The following XRCC4 variants were observed in gnomAD, a reference collection of about 807,000 sequenced individuals.
XRCC4 encodes the protein X-ray repair cross complementing 4, also known as DNA repair protein XRCC4.
Under a neutral mutation model 39.1 loss-of-function variants are expected in XRCC4, and 28 were observed. The observed-to-expected ratio is 0.72, with a 90% CI of 0.53 to 0.98. The LOEUF is 0.98. XRCC4 is among the 50% of genes least tolerant of loss of function. The pLI, the probability that XRCC4 is intolerant of heterozygous loss-of-function variation, is 0.00. For missense variants in XRCC4, 350 were observed against 376.4 expected, an observed-to-expected ratio of 0.93 and a Z score of 0.58; for synonymous variants, 123 against 126.4, an observed-to-expected ratio of 0.97 and a Z score of 0.18.
At chr5:83,230,827 A>G (rs761295343) in intron 6 of XRCC4, among the ~76,000 whole-genome samples, 4 of 151,954 alleles carry the variant, frequency 2.6e-5, no homozygotes, top group Non-Finnish European at 5.9e-5. Context: ...AACTAAATCT[A>G]TGTTCTCTTG....
intron 6 of XRCC4, among the ~76,000 whole-genome samples, chr5:83,239,989 C>T (rs1171374436): frequency 5.9e-5 from 9 of 151,616 alleles, no homozygotes; most frequent in Non-Finnish European, 4.4e-5. Flanking sequence ...GAGACCCTGG[C>T]TCTACAGAGG....
intron 3 of XRCC4, among the ~76,000 whole-genome samples, chr5:83,123,788 T>C (rs750439540): frequency 3.9e-5 from 6 of 152,260 alleles, no homozygotes; most frequent in Non-Finnish European, 5.9e-5. Flanking sequence ...ACAGATATTA[T>C]GGCACCATAC....
chr5:83,331,228 G>T (rs1218833985), intron 7 of XRCC4, among the ~76,000 whole-genome samples: 1 of 152,040 alleles, frequency 6.6e-6, no homozygotes. Context: ...CTATTTATCA[G>T]ATGGTGCTCC....
intron 7 of XRCC4, among the ~76,000 whole-genome samples, chr5:83,300,784 A>G (rs1003363281): frequency 1.3e-5 from 2 of 150,552 alleles, no homozygotes; most frequent in Non-Finnish European, 3.0e-5. Flanking sequence ...CTTGTGCCAT[A>G]TGTTCTCATT....
At chr5:83,144,267 C>CTGTGTGTGTGTG (rs56769195) in intron 3 of XRCC4, among the ~76,000 whole-genome samples, 5,258 of 140,034 alleles carry the variant, frequency 0.038, 163 homozygotes, top group Non-Finnish European at 0.052. Context: ...TAATATTCCT[C>CTGTGTGTGTGTG]TGTGTGTGTG....
intron 6 of XRCC4, among the ~76,000 whole-genome samples, chr5:83,231,860 TG>T (rs1752507786): frequency 6.6e-6 from 1 of 152,110 alleles, no homozygotes; most frequent in Non-Finnish European, 1.5e-5. Flanking sequence ...TCATTGACTG[TG>T]GTTGATTATA....
At chr5:83,270,302 GGGACCACT>G (rs1282611509) in intron 7 of XRCC4, among the ~76,000 whole-genome samples, 1 of 152,104 alleles carries the variant, frequency 6.6e-6, no homozygotes, top group Non-Finnish European at 1.5e-5. Context: ...CCAGAGGTTG[GGGACCACT>G]GGTCTATACA....
intron 1 of XRCC4, among the ~76,000 whole-genome samples, chr5:83,089,493 G>T (rs1036738560): frequency 6.6e-6 from 1 of 152,122 alleles, no homozygotes; most frequent in Non-Finnish European, 1.5e-5. Flanking sequence ...CACCAAGTGG[G>T]TATTCAACAA....
At chr5:83,301,440 A>G (rs1328758130) in intron 7 of XRCC4, among the ~76,000 whole-genome samples, 2 of 151,910 alleles carry the variant, frequency 1.3e-5, no homozygotes, top group African/African-American at 4.8e-5. Context: ...TTTCTTGTTA[A>G]TTTGTTTGAG....
chr5:83,339,495 G>A (rs1183121683), intron 7 of XRCC4, among the ~76,000 whole-genome samples: 2 of 151,322 alleles, frequency 1.3e-5, no homozygotes, highest in Non-Finnish European at 2.9e-5. Context: ...TGGGGTGGGG[G>A]AGGGATAGCA....
intron 6 of XRCC4, among the ~76,000 whole-genome samples, chr5:83,251,012 TA>T (rs1266653689): frequency 6.6e-6 from 1 of 152,186 alleles, no homozygotes; most frequent in Non-Finnish European, 1.5e-5. Context: ...CTGTCCTACT[TA>T]ATTATAAACT....
chr5:83,327,149 C>G (rs1756289157), intron 7 of XRCC4, among the ~76,000 whole-genome samples: 1 of 152,022 alleles, frequency 6.6e-6, no homozygotes, highest in South Asian at 2.1e-4. Flanking sequence ...TATAGTCAGG[C>G]TGGGAACATT....
At position 83,089,522 on chromosome 5, in the gene XRCC4, C is replaced by T. The variant is rs1208774813; in HGVS notation, c.-11+11907C>T. Among the ~76,000 whole-genome samples, 3 of 152,300 alleles carry T rather than the reference C, an allele frequency of 2.0e-5. No individual in the cohort carries two copies. In the East Asian group the frequency reaches 5.8e-4, roughly 29 times the overall value. The stretch of plus-strand genomic sequence containing the variant: ...TCAACAATTCAGTACAATTCAAACA[C>T]CATCTATCTAGGGTTAGTGTCAGAT... On this transcript the variant is annotated intron_variant, in intron 1 of 7. Transcript: ENST00000396027.
intron 3 of XRCC4, among the ~76,000 whole-genome samples, chr5:83,165,501 A>G (rs1380269713): frequency 3.9e-5 from 6 of 152,160 alleles, no homozygotes; most frequent in African/African-American, 1.4e-4. Flanking sequence ...TTTTAAGTTC[A>G]GTGTTACATG....
chr5:83,222,970 G>A (rs888248299), intron 6 of XRCC4, among the ~76,000 whole-genome samples: 4 of 152,018 alleles, frequency 2.6e-5, no homozygotes, highest in African/African-American at 4.8e-5. Flanking sequence ...CTGGTCTTGA[G>A]TTCCTGAGTT....
intron 3 of XRCC4, among the ~76,000 whole-genome samples, chr5:83,121,486 CA>C (rs1747006742): frequency 6.6e-6 from 1 of 152,014 alleles, no homozygotes. Flanking sequence ...GGTGTGTGAC[CA>C]TGTCTCATAT....
intron 1 of XRCC4, among the ~76,000 whole-genome samples, chr5:83,089,088 A>G (rs1451102344): frequency 6.6e-6 from 1 of 152,200 alleles, no homozygotes; most frequent in Non-Finnish European, 1.5e-5. Flanking sequence ...TTTGCAGGTA[A>G]CTAAGTGCTA....
intron 2 of XRCC4, among the ~76,000 whole-genome samples, chr5:83,110,191 C>T (rs369082218): frequency 6.6e-5 from 10 of 152,012 alleles, no homozygotes; most frequent in Admixed American, 1.3e-4. Context: ...TGTTACAAAG[C>T]ATGAAAGGAA....
At chr5:83,257,057 G>A (rs1753569287) in intron 6 of XRCC4, among the ~76,000 whole-genome samples, 1 of 152,128 alleles carries the variant, frequency 6.6e-6, no homozygotes, top group South Asian at 2.1e-4. Context: ...TTTCAGTAGA[G>A]TGTTCAACAG....
Sources: gnomAD v4.1 joint callset for allele counts (sites outside exome capture counted in the v4.1 genomes callset) on GRCh38, gnomAD v4.1.1 for gene constraint, MANE v1.5 for transcripts, NCBI Gene and HGNC (gene_info 2026-07-23, HGNC 2026-07-21) for gene names.